Variants in TUBB8B observed in about 807,000 individuals in gnomAD.
TUBB8B encodes the protein HSA18p11 beta-tubulin 4Q pseudogene.
Under a neutral mutation model 31.9 loss-of-function variants are expected in TUBB8B, and 26 were observed. The ratio of observed to expected loss-of-function variants is 0.81; its 90% CI spans 0.60 to 1.13. The LOEUF (loss-of-function observed/expected upper bound fraction) is 1.13. TUBB8B is among the 50% of genes most tolerant of loss of function. The pLI is 0.00. For synonymous variants in TUBB8B, 173 were observed against 231.0 expected (o/e 0.75, Z 2.28); for missense variants, 467 against 586.7 (o/e 0.80, Z 2.11).
chr18:69,931 C>A, the TUBB8B span, among the ~76,000 whole-genome samples: 1 of 152,084 alleles, frequency 6.6e-6, no homozygotes, highest in African/African-American at 2.4e-5. Flanking sequence ...CCGAGGCGGG[C>A]GGATCAGCTG....
In TUBB8B at chr18:49,428, T is replaced by C. The variant is rs1422788027; in HGVS notation, c.57+73A>G. The C allele has an allele frequency of 1.1e-4, 95 of 903,830 alleles. 3 individuals are homozygous for C. Among genetic ancestry groups the C allele is most frequent in the South Asian group, 7.0e-4 (48 of 68,896 alleles). The allele number at this position is 903,830 out of a possible 1,614,324, so 56.0% of individuals were successfully genotyped here. A position where few individuals can be genotyped will look rare whatever the true frequency, so the allele number is the denominator to read the frequency against. The stretch of plus-strand genomic sequence containing the variant: ...AGGGGCCGCAATGCAGGGGCACCGC[T>C]CCCGCCACTGCCAACATCTTCCCCA... On this transcript the variant is annotated intron_variant, in intron 1 of 3. Coordinates refer to ENST00000308911, the MANE Select transcript of TUBB8B (RefSeq NM_001358689.2).
chr18:48,808 G>A (rs554346359), intron 3 of TUBB8B, 132 bp downstream of exon 3: 6 of 751,072 alleles, frequency 8.0e-6, no homozygotes, highest in African/African-American at 5.2e-5. Context: ...CAGATGAAGC[G>A]ACTCGACTCG....
the TUBB8B span, among the ~76,000 whole-genome samples, chr18:56,966 A>G: frequency 6.6e-6 from 1 of 151,796 alleles, no homozygotes; most frequent in African/African-American, 2.4e-5. Context: ...TCTCATGAAA[A>G]CTTACTATTG....
the TUBB8B span, among the ~76,000 whole-genome samples, chr18:57,789 C>T: frequency 2.1e-4 from 32 of 152,066 alleles, no homozygotes; most frequent in African/African-American, 7.7e-4. Context: ...CATGCTTCTG[C>T]CTGCACACCC....
At chr18:71,232 TA>T in the TUBB8B span, among the ~76,000 whole-genome samples, 3,295 of 144,008 alleles carry the variant, frequency 0.023, 52 homozygotes, top group Non-Finnish European at 0.029. Flanking sequence ...CCTTCTCTCT[TA>T]AAAAAAAAAA....
At chr18:65,327 A>G in the TUBB8B span, among the ~76,000 whole-genome samples, 1 of 152,076 alleles carries the variant, frequency 6.6e-6, no homozygotes, top group Non-Finnish European at 1.5e-5. Context: ...AAAAATGCTC[A>G]AGAAAATAAT....
chr18:56,723 T>C, the TUBB8B span, among the ~76,000 whole-genome samples: 1 of 151,934 alleles, frequency 6.6e-6, no homozygotes, highest in South Asian at 2.1e-4. Flanking sequence ...ATGGAAATAT[T>C]ACACCATTCT....
the TUBB8B span, among the ~76,000 whole-genome samples, chr18:56,989 CA>C: frequency 6.6e-6 from 1 of 151,786 alleles, no homozygotes; most frequent in East Asian, 1.9e-4. Flanking sequence ...AGAATGGCAC[CA>C]AAGGAAATGA....
At chr18:69,382 T>C in the TUBB8B span, among the ~76,000 whole-genome samples, 330 of 152,296 alleles carry the variant, frequency 2.2e-3, 9 homozygotes, top group East Asian at 0.042. Flanking sequence ...GAGGATGGCT[T>C]GAGCCCGGGA....
chr18:54,133 G>A (rs187567305), upstream of TUBB8B, among the ~76,000 whole-genome samples: 1 of 151,640 alleles, frequency 6.6e-6, no homozygotes, highest in African/African-American at 2.4e-5. Flanking sequence ...TGACTAAATG[G>A]ACCCCTCTTC....
chr18:72,196 A>AAAAAAAAAAAAAAAAAAAAAC, the TUBB8B span, among the ~76,000 whole-genome samples: 646 of 84,228 alleles, frequency 7.7e-3, 79 homozygotes, highest in East Asian at 0.07. Flanking sequence ...AAAAAAAAAA[A>AAAAAAAAAAAAAAAAAAAAAC]AAAGGAAAAA....
In TUBB8B at chr18:48,299, C is replaced by T. The variant is rs764932654; in HGVS notation, c.426G>A (p.Gly142=). The T allele has an allele frequency of 2.0e-5, 32 of 1,611,476 alleles. No homozygotes were observed. The highest frequency in any genetic ancestry group is 2.1e-5 in the Non-Finnish European group (25 of 1,178,006). Residue 142 remains glycine (G), a synonymous_variant, in exon 4 of 4, where the codon GGG becomes GGA. Coordinates refer to ENST00000308911, the MANE Select transcript of TUBB8B (RefSeq NM_001358689.2). ...GFQLTHSLGG[G]TGSGMGTLLI... is the part of the protein sequence containing the mutation. ...GAAGGGTACCCATCCCAGACCCAGT[C>T]CCCCCACCCAGGGAGTGGGTCAGCT...
In TUBB8B at chr18:49,424, C is replaced by T. The variant is rs369016613; in HGVS notation, c.57+77G>A. ...GCCCAGGGGCCGCAATGCAGGGGCA[C>T]CGCTCCCGCCACTGCCAACATCTTC... On this transcript the variant is annotated intron_variant, in intron 1 of 3. Coordinates refer to ENST00000308911, the MANE Select transcript of TUBB8B (RefSeq NM_001358689.2). 14 of 897,476 alleles carry T rather than the reference C, an allele frequency of 1.6e-5. 1 individual carries two copies. Among genetic ancestry groups the T allele is most frequent in the East Asian group, 8.0e-5 (3 of 37,332 alleles). The allele number at this position is 897,476 out of a possible 1,614,324, so 55.6% of individuals were successfully genotyped here. A position where few individuals can be genotyped will look rare whatever the true frequency, so the allele number is the denominator to read the frequency against.
chr18:72,070 T>G, the TUBB8B span, among the ~76,000 whole-genome samples: 1 of 149,226 alleles, frequency 6.7e-6, no homozygotes, highest in Non-Finnish European at 1.5e-5. Context: ...TCCCAGCTCT[T>G]GGGGAGGCTG....
the TUBB8B span, chr18:73,240 A>G: frequency 8.9e-5 from 14 of 157,184 alleles, no homozygotes; most frequent in Non-Finnish European, 4.4e-5. Context: ...CCAGGTACAA[A>G]GAGCCCGACG....
rs999298668 is a variant in TUBB8B, at chr18:48,706, C to T, written c.277+234G>A. On this transcript the variant is annotated intron_variant, in intron 3 of 3. Coordinates refer to ENST00000308911, the MANE Select transcript of TUBB8B (RefSeq NM_001358689.2). ...TGCCCATTCTCAGGAAAGGCAGTAG[C>T]CACGGCCCCAGCTCAGCTCCCGGCA... 3.5e-5 allele frequency: 24 copies of T among 676,106 alleles called. No homozygotes were observed. In the African/African-American group the frequency reaches 3.9e-4, roughly 11 times the overall value. The allele number at this position is 676,106 out of a possible 1,614,324, so 41.9% of individuals were successfully genotyped here. A position where few individuals can be genotyped will look rare whatever the true frequency, so the allele number is the denominator to read the frequency against.
At chr18:68,701 C>T in the TUBB8B span, among the ~76,000 whole-genome samples, 5 of 152,160 alleles carry the variant, frequency 3.3e-5, no homozygotes, top group Non-Finnish European at 7.3e-5. Context: ...CAATGTCACT[C>T]TCTGATTCAA....
chr18:58,805 G>A, the TUBB8B span, among the ~76,000 whole-genome samples: 1 of 151,612 alleles, frequency 6.6e-6, no homozygotes, highest in Non-Finnish European at 1.5e-5. Context: ...ACCTGAGACT[G>A]GGTAATTTAT....
At chr18:53,013 C>A (rs1026035946), upstream of TUBB8B, among the ~76,000 whole-genome samples, 3 of 151,762 alleles carry the variant, frequency 2.0e-5, no homozygotes, top group African/African-American at 7.3e-5. Context: ...AAAAATGCTG[C>A]ACTCCTAGGA....
Sources: allele counts gnomAD v4.1 joint callset (sites outside exome capture counted in the v4.1 genomes callset), GRCh38; gene constraint gnomAD v4.1.1; transcripts MANE v1.5; gene names NCBI Gene and HGNC (gene_info 2026-07-23, HGNC 2026-07-21).